KIF16B: variants seen among roughly 807,000 people sequenced by gnomAD.
The protein encoded by KIF16B is kinesin family member 16B, also known as kinesin-like protein KIF16B.
Under a neutral mutation model 156.3 loss-of-function variants are expected in KIF16B, and 98 were observed. That is an observed-to-expected ratio of 0.63 (90% CI 0.53 to 0.74). KIF16B has a LOEUF of 0.74. Ranked by LOEUF, KIF16B falls within the 30% of genes least tolerant of loss-of-function variation. The probability of loss-of-function intolerance (pLI) is 0.00; values close to 1 mark genes in which losing one functional copy is unlikely to be tolerated. For synonymous variants in KIF16B, 564 were observed against 583.7 expected (o/e 0.97, Z 0.49); for missense variants, 1,421 against 1,606.5 (o/e 0.88, Z 1.97).
intron 12 of KIF16B, among the ~76,000 whole-genome samples, chr20:16,489,890 T>C (rs1211250641): frequency 6.6e-6 from 1 of 152,036 alleles, no homozygotes; most frequent in Admixed American, 6.5e-5. Context: ...CGGATCCAAA[T>C]GAAGGACTGA....
intron 12 of KIF16B, among the ~76,000 whole-genome samples, chr20:16,465,434 C>T (rs2067462595): frequency 6.6e-6 from 1 of 152,246 alleles, no homozygotes; most frequent in Non-Finnish European, 1.5e-5. Flanking sequence ...GCATCTCACA[C>T]ACCTCTGAAG....
At chr20:16,424,688 C>T (rs2146400648) in intron 15 of KIF16B, among the ~76,000 whole-genome samples, 1 of 152,224 alleles carries the variant, frequency 6.6e-6, no homozygotes, top group African/African-American at 2.4e-5. Context: ...AGGCAAATGG[C>T]ATGGGCTGAG....
chr20:16,296,790 G>A (rs2063393522), intron 25 of KIF16B, among the ~76,000 whole-genome samples: 1 of 152,194 alleles, frequency 6.6e-6, no homozygotes, highest in South Asian at 2.1e-4. Context: ...GCTGGGCCAT[G>A]GTGTCACTAG....
chr20:16,509,174 A>G (rs1367236375), intron 6 of KIF16B, among the ~76,000 whole-genome samples: 1 of 152,194 alleles, frequency 6.6e-6, no homozygotes, highest in Non-Finnish European at 1.5e-5. Flanking sequence ...GTGTTTCCTC[A>G]TTCATTTTTA....
intron 25 of KIF16B, among the ~76,000 whole-genome samples, chr20:16,282,138 C>T (rs1243269021): frequency 6.6e-6 from 1 of 151,176 alleles, no homozygotes; most frequent in Non-Finnish European, 1.5e-5. Context: ...TTCAAGCAAT[C>T]CTCCTGCCTC....
At chr20:16,491,276 G>A (rs2068282171) in intron 12 of KIF16B, among the ~76,000 whole-genome samples, 1 of 152,142 alleles carries the variant, frequency 6.6e-6, no homozygotes. Flanking sequence ...CTCCAGGGGT[G>A]GTGGGCACAG....
At chr20:16,506,956 A>C (rs1308236029) in intron 7 of KIF16B, among the ~76,000 whole-genome samples, 2 of 151,554 alleles carry the variant, frequency 1.3e-5, no homozygotes, top group Non-Finnish European at 2.9e-5. Flanking sequence ...AAAAAAAATT[A>C]GCTGGGCGTG....
chr20:16,274,095 A>G (rs890467787), intron 25 of KIF16B, among the ~76,000 whole-genome samples: 2 of 152,110 alleles, frequency 1.3e-5, no homozygotes, highest in African/African-American at 4.8e-5. Flanking sequence ...AAACAAAAAA[A>G]AAAGGCCGGC....
At chr20:16,549,288 G>T in intron 1 of KIF16B, among the ~76,000 whole-genome samples, 1 of 151,212 alleles carries the variant, frequency 6.6e-6, no homozygotes, top group Admixed American at 6.6e-5. Flanking sequence ...AGAATATGCG[G>T]TGTTTGGTTT....
intron 22 of KIF16B, chr20:16,367,002 A>C: frequency 7.6e-7 from 1 of 1,321,710 alleles, no homozygotes; most frequent in Non-Finnish European, 9.7e-7. Context: ...AAATATTTAC[A>C]TTTTCAATTT....
At chr20:16,448,452 C>A (rs760753216) in intron 12 of KIF16B, among the ~76,000 whole-genome samples, 1 of 152,122 alleles carries the variant, frequency 6.6e-6, no homozygotes, top group Non-Finnish European at 1.5e-5. Flanking sequence ...GACCACCTAG[C>A]CCAGTCCTTC....
intron 22 of KIF16B, among the ~76,000 whole-genome samples, chr20:16,364,697 T>C (rs2064622995): frequency 6.6e-6 from 1 of 152,224 alleles, no homozygotes; most frequent in Non-Finnish European, 1.5e-5. Flanking sequence ...ACAGAGGAAC[T>C]ATATTTTATC....
At chr20:16,347,853 C>G (rs183917096) in intron 23 of KIF16B, among the ~76,000 whole-genome samples, 31 of 152,340 alleles carry the variant, frequency 2.0e-4, no homozygotes, top group African/African-American at 7.2e-4. Flanking sequence ...ACACTCTACA[C>G]TTTCTGAACA....
At chr20:16,280,841 C>CGTGTGTGT (rs1555833614) in intron 25 of KIF16B, among the ~76,000 whole-genome samples, 3 of 74,434 alleles carry the variant, frequency 4.0e-5, no homozygotes, top group Non-Finnish European at 5.4e-5. Context: ...TGCGCGCGCA[C>CGTGTGTGT]GTGTGTGTGT....
chr20:16,352,393 G>T (rs2064355086), intron 23 of KIF16B, among the ~76,000 whole-genome samples: 1 of 152,182 alleles, frequency 6.6e-6, no homozygotes, highest in African/African-American at 2.4e-5. Flanking sequence ...AGGTATAGAA[G>T]ACAGTCCTTT....
intron 12 of KIF16B, among the ~76,000 whole-genome samples, chr20:16,432,853 A>G (rs2066538382): frequency 6.6e-6 from 1 of 152,226 alleles, no homozygotes; most frequent in Admixed American, 6.5e-5. Flanking sequence ...CCAATGCATA[A>G]CTTAGTTTCA....
intron 25 of KIF16B, among the ~76,000 whole-genome samples, chr20:16,286,707 C>T (rs2122415664): frequency 6.6e-6 from 1 of 152,222 alleles, no homozygotes; most frequent in South Asian, 2.1e-4. Context: ...TTCCAACTAA[C>T]CAGTACAAGG....
At chr20:16,559,696 T>G (rs1489075857) in intron 1 of KIF16B, among the ~76,000 whole-genome samples, 1 of 152,156 alleles carries the variant, frequency 6.6e-6, no homozygotes, top group African/African-American at 2.4e-5. Context: ...GAGGTTCACT[T>G]GAGCCCAGCA....
chr20:16,288,033 G>T (rs1404452949), intron 25 of KIF16B, among the ~76,000 whole-genome samples: 2 of 152,172 alleles, frequency 1.3e-5, no homozygotes, highest in Non-Finnish European at 1.5e-5. Context: ...TGATACGTTT[G>T]AATCTACATA....
Sources: allele counts gnomAD v4.1 joint callset (sites outside exome capture counted in the v4.1 genomes callset), GRCh38; gene constraint gnomAD v4.1.1; transcripts MANE v1.5; gene names NCBI Gene and HGNC (gene_info 2026-07-23, HGNC 2026-07-21).